MAP3K15: variants seen among roughly 807,000 people sequenced by gnomAD.
The protein encoded by MAP3K15 is mitogen-activated protein kinase kinase kinase 15.
In MAP3K15, 124 loss-of-function variants were observed where a neutral mutation model predicts 99.5. That is an observed-to-expected ratio of 1.25 (90% CI 1.08 to 1.45). The LOEUF (loss-of-function observed/expected upper bound fraction) is 1.45, where lower values mean the gene tolerates loss of function less well. Ranked by LOEUF, MAP3K15 falls within the 40% of genes most tolerant of loss-of-function variation. The pLI is 0.00. For synonymous variants in MAP3K15, 494 were observed against 439.6 expected, an observed-to-expected ratio of 1.12 and a Z score of -1.55; for missense variants, 1,242 against 1,079.7, an observed-to-expected ratio of 1.15 and a Z score of -2.11.
chrX:19,372,482 CTTTTG>C (rs942583913), intron 22 of MAP3K15, among the ~76,000 whole-genome samples, 166 bp downstream of exon 22: 13 of 112,347 alleles, frequency 1.2e-4, no homozygotes, highest in Non-Finnish European at 2.1e-4. Context: ...TTTGTATTTT[CTTTTG>C]TTTTGTTGGG....
intron 3 of MAP3K15, among the ~76,000 whole-genome samples, chrX:19,474,012 A>G (rs1360197965): frequency 8.9e-6 from 1 of 112,017 alleles, no homozygotes; most frequent in Non-Finnish European, 1.9e-5. Context: ...ACATCTTTGC[A>G]TATGGCATCT....
intron 6 of MAP3K15, among the ~76,000 whole-genome samples, chrX:19,450,285 G>C: frequency 9.2e-6 from 1 of 109,069 alleles, no homozygotes; most frequent in African/African-American, 3.3e-5. Flanking sequence ...AGAAAGTCAA[G>C]GTTGCAATGA....
chrX:19,439,442 A>C (rs2063944574), intron 6 of MAP3K15, among the ~76,000 whole-genome samples: 1 of 111,228 alleles, frequency 9.0e-6, no homozygotes, highest in African/African-American at 3.3e-5. Context: ...CAAACTCATC[A>C]AATCGTGCAC....
intron 13 of MAP3K15, among the ~76,000 whole-genome samples, chrX:19,405,147 TCA>T (rs1280002611): frequency 9.1e-6 from 1 of 110,334 alleles, no homozygotes; most frequent in African/African-American, 3.3e-5. Flanking sequence ...AAAAAATATA[TCA>T]CATATATATG....
At chrX:19,493,424 G>C (rs1337639118) in intron 1 of MAP3K15, among the ~76,000 whole-genome samples, 1 of 108,956 alleles carries the variant, frequency 9.2e-6, no homozygotes, top group African/African-American at 3.3e-5. Flanking sequence ...TGGAATTTTT[G>C]CCTGACATTT....
chrX:19,442,702 TATTATTATTATTATC>T (rs2063967805), intron 6 of MAP3K15, among the ~76,000 whole-genome samples: 1 of 100,136 alleles, frequency 1.0e-5, no homozygotes, highest in Non-Finnish European at 2.0e-5. Flanking sequence ...ATTTTATTAT[TATTATTATTATTATC>T]ATTATTATTA....
chrX:19,438,952 C>G (rs1469754569), intron 6 of MAP3K15, among the ~76,000 whole-genome samples: 1 of 112,244 alleles, frequency 8.9e-6, no homozygotes, highest in Non-Finnish European at 1.9e-5. Flanking sequence ...AATCCCAGCA[C>G]TTTGGGAGGC....
chrX:19,420,996 A>G (rs1381053078), intron 9 of MAP3K15, among the ~76,000 whole-genome samples: 1 of 111,658 alleles, frequency 9.0e-6, no homozygotes, highest in Non-Finnish European at 1.9e-5. Flanking sequence ...TTCATGCTAA[A>G]AACTCTCAAT....
chrX:19,437,033 C>G (rs2063927214), intron 6 of MAP3K15, among the ~76,000 whole-genome samples: 1 of 112,005 alleles, frequency 8.9e-6, no homozygotes, highest in Non-Finnish European at 1.9e-5. Context: ...TCTTCCTCTT[C>G]TTGTTAAATG....
intron 6 of MAP3K15, among the ~76,000 whole-genome samples, chrX:19,455,771 G>T (rs1431661410): frequency 1.8e-5 from 2 of 110,173 alleles, no homozygotes; most frequent in African/African-American, 6.6e-5. Context: ...CTGGGAAAAA[G>T]ACTTAGTGAT....
chrX:19,404,089 A>T (rs2063629818), intron 13 of MAP3K15, among the ~76,000 whole-genome samples: 1 of 111,879 alleles, frequency 8.9e-6, no homozygotes, highest in African/African-American at 3.2e-5. Context: ...GTATCTGCAG[A>T]TGACATGATA....
At chrX:19,482,197 G>A (rs1274415725) in intron 3 of MAP3K15, 68 of 78,915 alleles carry the variant, frequency 8.6e-4, no homozygotes, top group African/African-American at 2.6e-3. Flanking sequence ...AAAAAAAAAA[G>A]CCTATATTTA....
At chrX:19,459,507 A>G (rs1053005545) in intron 5 of MAP3K15, among the ~76,000 whole-genome samples, 18 of 112,382 alleles carry the variant, frequency 1.6e-4, no homozygotes, top group African/African-American at 5.8e-4. Flanking sequence ...CCACCACAAC[A>G]GATAAGCTGG....
chrX:19,404,751 G>C (rs934699554), intron 13 of MAP3K15, among the ~76,000 whole-genome samples: 1 of 111,822 alleles, frequency 8.9e-6, no homozygotes, highest in Admixed American at 9.5e-5. Context: ...CTCAATCAGG[G>C]AAAGAATAGT....
chrX:19,378,812 C>T (rs1178883184), intron 19 of MAP3K15, among the ~76,000 whole-genome samples: 1 of 111,737 alleles, frequency 8.9e-6, no homozygotes, highest in Non-Finnish European at 1.9e-5. Context: ...CTTGGCTGCT[C>T]GGCGGTAAAA....
intron 6 of MAP3K15, among the ~76,000 whole-genome samples, chrX:19,436,717 A>G (rs1489366026): frequency 9.0e-6 from 1 of 111,431 alleles, no homozygotes; most frequent in Non-Finnish European, 1.9e-5. Context: ...CAACTCTGTC[A>G]TCCAGGCTGG....
At chrX:19,394,600 C>T (rs766891967) in intron 16 of MAP3K15, among the ~76,000 whole-genome samples, 4 of 111,043 alleles carry the variant, frequency 3.6e-5, no homozygotes, top group South Asian at 3.8e-4. Context: ...GTTCCCTCTT[C>T]TGCACCCTTG....
At chrX:19,375,067 C>T (rs1186458047) in intron 19 of MAP3K15, among the ~76,000 whole-genome samples, 1 of 112,273 alleles carries the variant, frequency 8.9e-6, no homozygotes, top group Admixed American at 9.4e-5. Context: ...CCCTGCTCCC[C>T]CAAACCACCA....
At chrX:19,415,649 T>A (rs751639531) in intron 9 of MAP3K15, among the ~76,000 whole-genome samples, 1 of 111,078 alleles carries the variant, frequency 9.0e-6, no homozygotes, top group East Asian at 2.8e-4. Flanking sequence ...AATAGATACA[T>A]TGGAAAATGT....
Sources: allele counts gnomAD v4.1 joint callset (sites outside exome capture counted in the v4.1 genomes callset), GRCh38; gene constraint gnomAD v4.1.1; transcripts MANE v1.5; gene names NCBI Gene and HGNC (gene_info 2026-07-23, HGNC 2026-07-21).